CCNY: variants seen among roughly 807,000 people sequenced by gnomAD.
CCNY encodes cyclin-Y.
Under a neutral mutation model 42.8 loss-of-function variants are expected in CCNY, and 19 were observed. The ratio of observed to expected loss-of-function variants is 0.44; its 90% CI spans 0.31 to 0.65. CCNY has a LOEUF of 0.65. CCNY is among the 30% of genes least tolerant of loss of function. CCNY has a pLI of 0.07. For missense variants in CCNY, 370 were observed against 437.3 expected (o/e 0.85, Z 1.37); for synonymous variants, 165 against 162.7 (o/e 1.01, Z -0.11).
At chr10:35,444,253 T>C (rs1157423051) in intron 1 of CCNY, among the ~76,000 whole-genome samples, 1 of 151,188 alleles carries the variant, frequency 6.6e-6, no homozygotes, top group Non-Finnish European at 1.5e-5. Flanking sequence ...TTTTGGCTTT[T>C]TTTTTTTTTT....
chr10:35,463,502 A>G (rs896628760), intron 1 of CCNY, among the ~76,000 whole-genome samples: 4 of 152,242 alleles, frequency 2.6e-5, no homozygotes, highest in Non-Finnish European at 4.4e-5. Context: ...CTAAAGCAGC[A>G]TAAGCTCGTG....
At chr10:35,563,117 A>G (rs1002937686) in intron 8 of CCNY, among the ~76,000 whole-genome samples, 2 of 152,182 alleles carry the variant, frequency 1.3e-5, no homozygotes, top group African/African-American at 2.4e-5. Context: ...ATCACATAGC[A>G]AGCTGTCAGT....
At chr10:35,346,744 A>T (rs1836312818) in intron 1 of CCNY, among the ~76,000 whole-genome samples, 2 of 152,172 alleles carry the variant, frequency 1.3e-5, no homozygotes, top group Admixed American at 1.3e-4. Flanking sequence ...CTCCCACCTC[A>T]GCCTCCTGAG....
At chr10:35,534,732 G>T (rs1453218525) in intron 7 of CCNY, among the ~76,000 whole-genome samples, 7 of 151,806 alleles carry the variant, frequency 4.6e-5, no homozygotes, top group African/African-American at 1.5e-4. Flanking sequence ...TTACCCTTTG[G>T]CATTCACTCC....
intron 1 of CCNY, among the ~76,000 whole-genome samples, chr10:35,414,472 A>G (rs1250422218): frequency 6.6e-6 from 1 of 152,206 alleles, no homozygotes; most frequent in African/African-American, 2.4e-5. Context: ...GCAGGGGGGA[A>G]GTCATTGTCT....
intron 1 of CCNY, among the ~76,000 whole-genome samples, chr10:35,443,320 T>G (rs1472617327): frequency 2.0e-5 from 3 of 152,228 alleles, no homozygotes; most frequent in Non-Finnish European, 4.4e-5. Flanking sequence ...TTTTTAAAAC[T>G]TTTTGACTTT....
intron 3 of CCNY, among the ~76,000 whole-genome samples, chr10:35,515,069 G>A: frequency 6.6e-6 from 1 of 152,216 alleles, no homozygotes; most frequent in East Asian, 1.9e-4. Flanking sequence ...TCATTTGATA[G>A]ATGTTAAATG....
chr10:35,454,600 C>T (rs185005082), intron 1 of CCNY, among the ~76,000 whole-genome samples: 34 of 152,374 alleles, frequency 2.2e-4, no homozygotes, highest in African/African-American at 7.9e-4. Context: ...CCGATGGCTT[C>T]CTTCGGGTTT....
chr10:35,273,471 C>T (rs1056863719), intron 3 of CCNY, among the ~76,000 whole-genome samples: 5 of 152,074 alleles, frequency 3.3e-5, no homozygotes, highest in Non-Finnish European at 7.4e-5. Flanking sequence ...TCCCAAAGTG[C>T]TGGGATTACA....
At chr10:35,418,624 A>G (rs1838078690) in intron 1 of CCNY, among the ~76,000 whole-genome samples, 1 of 152,052 alleles carries the variant, frequency 6.6e-6, no homozygotes, top group African/African-American at 2.4e-5. Flanking sequence ...TCCGTTGCTC[A>G]GAGTAGAGGG....
At chr10:35,481,960 T>A (rs1839679130) in intron 1 of CCNY, among the ~76,000 whole-genome samples, 1 of 152,212 alleles carries the variant, frequency 6.6e-6, no homozygotes, top group South Asian at 2.1e-4. Context: ...GCTTTGACTC[T>A]GAAATTATTG....
intron 3 of CCNY, among the ~76,000 whole-genome samples, chr10:35,274,869 G>A (rs567855136): frequency 7.2e-5 from 11 of 152,156 alleles, no homozygotes; most frequent in East Asian, 1.9e-4. Context: ...CACAGCAGCT[G>A]CTGCTGGGGC....
In CCNY at chr10:35,412,860, C is replaced by CAAA. The variant is rs10558250; in HGVS notation, c.155-70518_155-70516dup. ...TGGGCGACAGAGCGAGACTCTGTCTCAAAAAAAAAAAAAAAAAAAAAAAAA... is the reference window on the plus strand; with the variant it reads ...TGGGCGACAGAGCGAGACTCTGTCTCAAAAAAAAAAAAAAAAAAAAAAAAAAAA... On this transcript the variant is annotated intron_variant, in intron 1 of 9. Coordinates refer to ENST00000374704, the MANE Select transcript of CCNY (RefSeq NM_145012.6). Among the ~76,000 whole-genome samples the CAAA allele has an allele frequency of 1.4e-3, 49 of 34,754 alleles. 2 individuals are homozygous for CAAA. The highest frequency in any genetic ancestry group is 5.7e-3 in the East Asian group (7 of 1,230). The allele number at this position is 34,754 out of a possible 152,430, so 22.8% of individuals were successfully genotyped here.
intron 1 of CCNY, among the ~76,000 whole-genome samples, chr10:35,398,102 GT>G (rs1029644235): frequency 6.6e-6 from 1 of 152,176 alleles, no homozygotes; most frequent in African/African-American, 2.4e-5. Flanking sequence ...CCTGGGGCCC[GT>G]GGAGGCTGAG....
At position 35,307,880 on chromosome 10, in the gene CCNY, C is replaced by T. The variant is rs1175511364; in HGVS notation, c.-9+57254C>T. Among the ~76,000 whole-genome samples the T allele has an allele frequency of 2.8e-5, 4 of 144,056 alleles. No homozygotes were observed. The Admixed American group carries it at 2.9e-4, about 10-fold the overall frequency. 94.5% of individuals were successfully genotyped at this position (144,056 alleles called of 152,430 possible). Reference sequence around the variant, plus strand: ...CTGCCCAGGCTGGAATGCAATGGCGCAATCTTGGCTCACTGCAACCTCCGC... The same window carrying T: ...CTGCCCAGGCTGGAATGCAATGGCGTAATCTTGGCTCACTGCAACCTCCGC... On this transcript the variant is annotated intron_variant, in intron 3 of 11. Coordinates refer to the CCNY transcript ENST00000374706.
chr10:35,465,939 GTGTGTGTGTGTGTGTGTGTGTC>G (rs1434546615), intron 1 of CCNY, among the ~76,000 whole-genome samples: 3 of 62,708 alleles, frequency 4.8e-5, no homozygotes, highest in African/African-American at 1.9e-4. Flanking sequence ...GAGAGAGAGA[GTGTGTGTGTGTGTGTGTGTGTC>G]TGTGTGTGTG....
At chr10:35,547,099 A>C (rs971943819) in intron 7 of CCNY, among the ~76,000 whole-genome samples, 3 of 152,178 alleles carry the variant, frequency 2.0e-5, no homozygotes, top group Admixed American at 6.5e-5. Flanking sequence ...AGGATTTGTC[A>C]TCAGCCTTTG....
intron 7 of CCNY, among the ~76,000 whole-genome samples, chr10:35,538,963 A>G (rs1840941642): frequency 6.6e-6 from 1 of 152,148 alleles, no homozygotes; most frequent in Admixed American, 6.5e-5. Context: ...TTTGTGAGTT[A>G]GGGGTCCACA....
chr10:35,559,461 T>C (rs1841423454), intron 8 of CCNY, among the ~76,000 whole-genome samples: 1 of 152,228 alleles, frequency 6.6e-6, no homozygotes, highest in African/African-American at 2.4e-5. Context: ...CCAAATCTTC[T>C]AGCTGAAGAT....
Sources: gnomAD v4.1 joint callset for allele counts (sites outside exome capture counted in the v4.1 genomes callset) on GRCh38, gnomAD v4.1.1 for gene constraint, MANE v1.5 for transcripts, NCBI Gene and HGNC (gene_info 2026-07-23, HGNC 2026-07-21) for gene names.